TTYH2: variants seen among roughly 807,000 people sequenced by gnomAD.
The protein encoded by TTYH2 is tweety family member 2.
In TTYH2, 49 loss-of-function variants were observed where a neutral mutation model predicts 68.3. The ratio of observed to expected loss-of-function variants is 0.72; its 90% CI spans 0.57 to 0.91. The LOEUF (loss-of-function observed/expected upper bound fraction) is 0.91. TTYH2 is among the 40% of genes least tolerant of loss of function. The probability of loss-of-function intolerance (pLI) is 0.00; values close to 1 mark genes in which losing one functional copy is unlikely to be tolerated. For missense variants in TTYH2, 631 were observed against 700.4 expected (o/e 0.90, Z 1.12); for synonymous variants, 272 against 300.8 (o/e 0.90, Z 0.99).
intron 10 of TTYH2, among the ~76,000 whole-genome samples, chr17:74,250,929 GT>G (rs2050616478): frequency 7.7e-6 from 1 of 129,324 alleles, no homozygotes; most frequent in Non-Finnish European, 1.7e-5. Context: ...TTTATATCCA[GT>G]ATGTCATTCA....
intron 6 of TTYH2, 51 bp downstream of exon 6, chr17:74,244,100 A>T (rs760379421): frequency 6.4e-7 from 1 of 1,559,486 alleles, no homozygotes; most frequent in Non-Finnish European, 8.8e-7. Flanking sequence ...CTGCCAGGAC[A>T]CTCTGGTGTG....
rs933150301 is a variant in TTYH2 at position 74,260,912 on chromosome 17, C to T, written c.*703C>T. Reference sequence around the variant, plus strand: ...GCCACATTCCGCCTGTCTCCCTAACCCTCCATTGCCTCGCCTCTATTCCAG... The same window carrying T: ...GCCACATTCCGCCTGTCTCCCTAACTCTCCATTGCCTCGCCTCTATTCCAG... On this transcript the variant is annotated 3_prime_UTR_variant, in exon 14 of 14. Transcript: ENST00000269346. The T allele has an allele frequency of 6.5e-6, 1 of 153,076 alleles. No individual in the cohort carries two copies. Among genetic ancestry groups the T allele is most frequent in the Admixed American group, 6.5e-5 (1 of 15,344 alleles). 9.5% of individuals were successfully genotyped at this position (153,076 alleles called of 1,614,324 possible). A position where few individuals can be genotyped will look rare whatever the true frequency, so the allele number is the denominator to read the frequency against.
At chr17:74,227,733 A>G (rs1468363589) in intron 2 of TTYH2, among the ~76,000 whole-genome samples, 1 of 150,714 alleles carries the variant, frequency 6.6e-6, no homozygotes, top group Non-Finnish European at 1.5e-5. Flanking sequence ...AGATACGTAA[A>G]GCATGCAGGA....
rs2050289057 is a variant in TTYH2 at position 74,222,705 on chromosome 17, A to G, written c.302+48A>G. 2.6e-6 allele frequency: 4 copies of G among 1,560,082 alleles called. No individual in the cohort carries two copies. The highest frequency in any genetic ancestry group is 3.5e-6 in the Non-Finnish European group (4 of 1,154,398). On this transcript the variant is annotated intron_variant, in intron 2 of 13. Transcript: ENST00000269346. The surrounding 1 kb of genome is among the most constrained non-coding windows in gnomAD (Gnocchi z 5.2). ...CTTGGGGTGTGTGACTCAGTCTGCAAGGGGCCAGGGACTGTTTGACCATGT... is the reference window on the plus strand; with the variant it reads ...CTTGGGGTGTGTGACTCAGTCTGCAGGGGGCCAGGGACTGTTTGACCATGT...
At chr17:74,228,987 C>T (rs36052810) in intron 2 of TTYH2, among the ~76,000 whole-genome samples, 23,724 of 152,088 alleles carry the variant, frequency 0.16, 1,910 homozygotes, top group African/African-American at 0.17. Context: ...TGATGGGGCA[C>T]GGTGCAGAAC....
intron 2 of TTYH2, among the ~76,000 whole-genome samples, chr17:74,228,995 A>T (rs993572734): frequency 1.3e-5 from 2 of 152,184 alleles, no homozygotes; most frequent in Non-Finnish European, 2.9e-5. Context: ...CACGGTGCAG[A>T]ACTGGAAACT....
intron 13 of TTYH2, among the ~76,000 whole-genome samples, chr17:74,255,441 ATTTTATT>A (rs940489211): frequency 1.6e-4 from 24 of 151,790 alleles, no homozygotes; most frequent in Non-Finnish European, 2.9e-4. Context: ...TATCAATTTT[ATTTTATT>A]TTTTATTTTT....
intron 2 of TTYH2, among the ~76,000 whole-genome samples, chr17:74,225,878 G>A (rs529069613): frequency 2.3e-4 from 35 of 152,334 alleles, no homozygotes; most frequent in African/African-American, 6.5e-4. Flanking sequence ...GCAGAGGGTC[G>A]CATAGATGCG....
intron 13 of TTYH2, among the ~76,000 whole-genome samples, chr17:74,255,484 C>T (rs1195690678): frequency 4.6e-5 from 7 of 151,864 alleles, no homozygotes; most frequent in Non-Finnish European, 1.0e-4. Context: ...CGGAGTCTCA[C>T]TCTTCTGCCC....
At chr17:74,229,435 C>T (rs957382842) in intron 2 of TTYH2, among the ~76,000 whole-genome samples, 2 of 152,202 alleles carry the variant, frequency 1.3e-5, no homozygotes, top group South Asian at 2.1e-4. Flanking sequence ...CCTGTAGAAC[C>T]AGCCTGCCAG....
rs144321500 is a variant in TTYH2, at chr17:74,253,259, G to C, written c.1438G>C (p.Glu480Gln). ...AQTISNAPVS[E>Q]YMNQAMLFGR... The stretch of plus-strand genomic sequence containing the variant: ...GACCATCTCCAACGCCCCTGTCTCC[G>C]AGTACATGTACGGCCTGCACACACA... The change falls in exon 12 of 14, where the codon GAG becomes CAG. Residue 480 changes from glutamate (E) to glutamine (Q), a missense_variant. Glu to Gln is a conservative substitution (Grantham distance 29). Coordinates refer to ENST00000269346, the MANE Select transcript of TTYH2 (RefSeq NM_032646.6). 7 of 1,599,238 alleles carry C rather than the reference G, an allele frequency of 4.4e-6. No individual in the cohort carries two copies. Among genetic ancestry groups the C allele is most frequent in the South Asian group, 1.1e-5 (1 of 89,188 alleles).
At chr17:74,259,312 T>C (rs1024046225) in intron 13 of TTYH2, among the ~76,000 whole-genome samples, 1 of 152,110 alleles carries the variant, frequency 6.6e-6, no homozygotes, top group African/African-American at 2.4e-5. Context: ...TGGGCTCAAG[T>C]ACCTTCTCCT....
intron 3 of TTYH2, among the ~76,000 whole-genome samples, chr17:74,233,916 G>A (rs1222974102): frequency 6.6e-6 from 1 of 152,154 alleles, no homozygotes; most frequent in African/African-American, 2.4e-5. Flanking sequence ...CTGAGGCACA[G>A]GGAGGTTGCA....
intron 2 of TTYH2, among the ~76,000 whole-genome samples, chr17:74,224,385 T>TA (rs2050308884): frequency 6.7e-6 from 1 of 150,372 alleles, no homozygotes; most frequent in South Asian, 2.1e-4. Context: ...CCCTGTCTCT[T>TA]ACACACACAC....
Position 74,229,043 on chromosome 17 carries a change from G to T in TTYH2, c.303-1845G>T, listed in dbSNP as rs1256072756. Among the ~76,000 whole-genome samples, 7 of 152,144 alleles carry T rather than the reference G, an allele frequency of 4.6e-5. No individual in the cohort carries two copies. The South Asian group carries it at 6.2e-4, about 14-fold the overall frequency. ...CCCTAGAAGACAAATGAAGATCCAG[G>T]GGGTGAGTGGTTTAAGGAGGCAGGT... On this transcript the variant is annotated intron_variant, in intron 2 of 13. Coordinates refer to ENST00000269346, the MANE Select transcript of TTYH2 (RefSeq NM_032646.6).
intron 1 of TTYH2, among the ~76,000 whole-genome samples, chr17:74,216,986 G>A (rs540617959): frequency 4.6e-5 from 7 of 152,350 alleles, no homozygotes; most frequent in African/African-American, 1.2e-4. Flanking sequence ...GCAGCCAGCC[G>A]GTGTCCACTG....
At chr17:74,254,302 G>A (rs1306198796) in intron 13 of TTYH2, among the ~76,000 whole-genome samples, 2 of 152,054 alleles carry the variant, frequency 1.3e-5, no homozygotes, top group South Asian at 2.1e-4. Flanking sequence ...CAAGTAGGTG[G>A]GACTACAGGT....
chr17:74,250,457 G>C (rs922553715), intron 10 of TTYH2, 100 bp downstream of exon 10: 6 of 1,003,124 alleles, frequency 6.0e-6, no homozygotes, highest in Non-Finnish European at 8.8e-6. Context: ...GCGATGGCCT[G>C]GGTCCCCTTC....
In TTYH2 at chr17:74,214,352, GGTGGCCTCC is replaced by G. The variant is rs1421706119; in HGVS notation, c.129+639_129+647del. ...GCTTGCGCTTGTTCCAGGGAAGGAA[GGTGGCCTCC>G]GTCAGCCCATCTCACACTGTTGTCC... On this transcript the variant is annotated intron_variant, in intron 1 of 13. Transcript: ENST00000269346. This position sits in a 1 kb window ranked among gnomAD's most constrained non-coding sequence, Gnocchi z 4.6. Among the ~76,000 whole-genome samples the G allele has an allele frequency of 6.6e-6, 1 of 152,120 alleles. No individual in the cohort carries two copies. The highest frequency in any genetic ancestry group is 2.4e-5 in the African/African-American group (1 of 41,428).
Sources: allele counts gnomAD v4.1 joint callset (sites outside exome capture counted in the v4.1 genomes callset), GRCh38; gene constraint gnomAD v4.1.1; non-coding constraint Gnocchi (gnomAD v3.1); transcripts MANE v1.5; gene names NCBI Gene and HGNC (gene_info 2026-07-23, HGNC 2026-07-21).